The following SPINT2 variants were observed in gnomAD, a reference collection of about 807,000 sequenced individuals.
SPINT2 encodes kunitz-type protease inhibitor 2.
In SPINT2, 18 loss-of-function variants were observed where a neutral mutation model predicts 30.1. The ratio of observed to expected loss-of-function variants is 0.60; its 90% confidence interval spans 0.41 to 0.89. The LOEUF (loss-of-function observed/expected upper bound fraction) is 0.89, where lower values mean the gene tolerates loss of function less well. Among genes scored for constraint, SPINT2 ranks in the 40% least tolerant of loss-of-function variants. The probability of loss-of-function intolerance (pLI) is 0.00; values close to 1 mark genes in which losing one functional copy is unlikely to be tolerated. For synonymous variants in SPINT2, 139 were observed against 137.9 expected (o/e 1.01, Z -0.05); for missense variants, 276 against 334.3 (o/e 0.83, Z 1.36).
At chr19:38,266,831 G>A (rs1257139226) in intron 1 of SPINT2, among the ~76,000 whole-genome samples, 1 of 152,200 alleles carries the variant, frequency 6.6e-6, no homozygotes, top group Non-Finnish European at 1.5e-5. Context: ...GAATGCAGAC[G>A]TTGATCATTC....
chr19:38,283,485 C>A, intron 1 of SPINT2, 142 bp from the exon 2 acceptor site: 1 of 1,019,508 alleles, frequency 9.8e-7, no homozygotes, highest in Non-Finnish European at 1.5e-6. Flanking sequence ...TGTTGACGAT[C>A]TGGGCTTGGG....
intron 1 of SPINT2, among the ~76,000 whole-genome samples, chr19:38,270,184 T>C (rs948493080): frequency 6.6e-5 from 10 of 152,182 alleles, no homozygotes; most frequent in African/African-American, 2.4e-4. Flanking sequence ...CCATGGATAG[T>C]CGTGACCCTG....
At chr19:38,279,766 G>T (rs905173969) in intron 1 of SPINT2, among the ~76,000 whole-genome samples, 6 of 152,192 alleles carry the variant, frequency 3.9e-5, no homozygotes, top group Non-Finnish European at 8.8e-5. Context: ...TGATTCTCCT[G>T]CCTCAGCTTC....
intron 1 of SPINT2, among the ~76,000 whole-genome samples, chr19:38,272,011 C>T (rs1039457308): frequency 3.9e-5 from 6 of 152,036 alleles, no homozygotes; most frequent in African/African-American, 1.4e-4. Context: ...GGGGCTGAGG[C>T]AGGTGGATTG....
chr19:38,270,878 C>T (rs1968446957), intron 1 of SPINT2, among the ~76,000 whole-genome samples: 1 of 152,210 alleles, frequency 6.6e-6, no homozygotes, highest in Non-Finnish European at 1.5e-5. Flanking sequence ...GAGAGCCCAG[C>T]AGGAGTCACA....
At chr19:38,277,667 C>T (rs998100977) in intron 1 of SPINT2, among the ~76,000 whole-genome samples, 1 of 152,188 alleles carries the variant, frequency 6.6e-6, no homozygotes, top group African/African-American at 2.4e-5. Flanking sequence ...ACTTCAGAAC[C>T]AGAGAAACTT....
chr19:38,291,362 AC>A (rs1223645722), intron 6 of SPINT2: 1 of 166,578 alleles, frequency 6.0e-6, no homozygotes, highest in Non-Finnish European at 1.3e-5. Context: ...CCTCGCTTCC[AC>A]CCTGACTTCA....
At chr19:38,288,285 C>CT in intron 3 of SPINT2, 1 of 407,504 alleles carries the variant, frequency 2.5e-6, no homozygotes, top group Non-Finnish European at 4.6e-6. Context: ...ACCCACCCTC[C>CT]TGTCTGCCTG....
intron 1 of SPINT2, among the ~76,000 whole-genome samples, chr19:38,268,631 G>GC (rs1272180684): frequency 1.3e-5 from 2 of 152,138 alleles, no homozygotes; most frequent in African/African-American, 4.8e-5. Context: ...GCTACTGCTT[G>GC]CCCTCTGTCT....
At chr19:38,284,393 C>A (rs950279351) in intron 2 of SPINT2, among the ~76,000 whole-genome samples, 1 of 152,220 alleles carries the variant, frequency 6.6e-6, no homozygotes, top group African/African-American at 2.4e-5. Context: ...CTGTGCCCAG[C>A]CAGATTTTGC....
chr19:38,288,974 C>T, intron 3 of SPINT2, 164 bp from the exon 4 acceptor site: 1 of 687,442 alleles, frequency 1.5e-6, no homozygotes, highest in Non-Finnish European at 2.7e-6. Context: ...GCGTAGAGCC[C>T]ATTAGGGCTG....
chr19:38,278,779 G>A (rs544466875), intron 1 of SPINT2, among the ~76,000 whole-genome samples: 1 of 152,298 alleles, frequency 6.6e-6, no homozygotes, highest in Non-Finnish European at 1.5e-5. Flanking sequence ...TCCAGCCTGG[G>A]TGACAGAGTA....
chr19:38,267,650 G>A (rs1052434718), intron 1 of SPINT2, among the ~76,000 whole-genome samples: 1 of 94,648 alleles, frequency 1.1e-5, no homozygotes, highest in Non-Finnish European at 2.3e-5. Context: ...GAGAGGAAGC[G>A]GGGGGGCGAG....
chr19:38,278,139 T>C (rs1218340844), intron 1 of SPINT2, among the ~76,000 whole-genome samples: 1 of 152,160 alleles, frequency 6.6e-6, no homozygotes. Flanking sequence ...GGCCGTTTCC[T>C]TTGGTATGTT....
intron 1 of SPINT2, among the ~76,000 whole-genome samples, chr19:38,271,573 C>T (rs1306588071): frequency 2.0e-5 from 3 of 152,046 alleles, no homozygotes; most frequent in Admixed American, 1.3e-4. Context: ...GTGGCTCATG[C>T]CTGTAATCCC....
rs200143906 is a variant in SPINT2, at chr19:38,283,786, C to T, written c.266C>T (p.Ala89Val). The T allele has an allele frequency of 4.5e-5, 72 of 1,612,778 alleles. No homozygotes were observed. The highest frequency in any genetic ancestry group is 3.3e-4 in the Middle Eastern group (2 of 6,038). ...AAGGAGGAGTGCCTCAAGAAATGTG[C>T]CACTGTCACAGGTGAGATGGCAGTA... Reference protein sequence around the residue: ...LTKEECLKKCATVTENATGDL... With the variant: ...LTKEECLKKCVTVTENATGDL... Residue 89 changes from alanine (A) to valine (V), a missense_variant, in exon 2 of 7, where the codon GCC (alanine) becomes GTC (valine). Transcript: ENST00000301244.
chr19:38,273,442 A>G (rs1452053957), intron 1 of SPINT2, among the ~76,000 whole-genome samples: 1 of 152,018 alleles, frequency 6.6e-6, no homozygotes, highest in African/African-American at 2.4e-5. Flanking sequence ...ACTTCAGGTG[A>G]TCTGCCTCGG....
intron 1 of SPINT2, among the ~76,000 whole-genome samples, chr19:38,280,652 A>G (rs1265770965): frequency 6.6e-6 from 1 of 152,008 alleles, no homozygotes; most frequent in Non-Finnish European, 1.5e-5. Flanking sequence ...TTTCTCCTAC[A>G]CACCCTCAGG....
At chr19:38,270,215 A>G (rs1968437626) in intron 1 of SPINT2, among the ~76,000 whole-genome samples, 1 of 152,226 alleles carries the variant, frequency 6.6e-6, no homozygotes, top group Non-Finnish European at 1.5e-5. Context: ...ATAAGATGAC[A>G]GAAGAGCTAA....
Sources: gnomAD v4.1 joint callset for allele counts (sites outside exome capture counted in the v4.1 genomes callset) on GRCh38, gnomAD v4.1.1 for gene constraint, MANE v1.5 for transcripts, NCBI Gene and HGNC (gene_info 2026-07-23, HGNC 2026-07-21) for gene names.